CDH12: variants seen among roughly 807,000 people sequenced by gnomAD.
The protein encoded by CDH12 is cadherin 12.
CDH12 carries 41 observed loss-of-function variants against 74.1 expected under a neutral mutation model. The observed-to-expected ratio is 0.55, with a 90% CI of 0.43 to 0.72. The LOEUF (loss-of-function observed/expected upper bound fraction) is 0.72, where lower values mean the gene tolerates loss of function less well. CDH12 is among the 30% of genes least tolerant of loss of function. CDH12 has a pLI of 0.00. For synonymous variants in CDH12, 399 were observed against 355.0 expected, an observed-to-expected ratio of 1.12 and a Z score of -1.39; for missense variants, 945 against 977.2, an observed-to-expected ratio of 0.97 and a Z score of 0.44.
chr5:22,245,629 T>C (rs901524342), intron 3 of CDH12, among the ~76,000 whole-genome samples: 2 of 151,794 alleles, frequency 1.3e-5, no homozygotes, highest in Admixed American at 6.6e-5. Context: ...GTGATATACA[T>C]AAATCTGTAG....
chr5:22,309,287 A>G (rs796820435), intron 3 of CDH12, among the ~76,000 whole-genome samples: 10 of 152,326 alleles, frequency 6.6e-5, no homozygotes, highest in African/African-American at 2.4e-4. Context: ...AAATGTTTCA[A>G]GGATTAATAG....
intron 3 of CDH12, among the ~76,000 whole-genome samples, chr5:22,292,341 G>GTTTTTT (rs60010478): frequency 3.3e-4 from 35 of 105,328 alleles, no homozygotes; most frequent in African/African-American, 6.6e-4. Context: ...TTTGGTTTTT[G>GTTTTTT]TTTTTTTTTT....
chr5:22,210,012 A>G (rs1464260449), intron 4 of CDH12, among the ~76,000 whole-genome samples: 1 of 148,406 alleles, frequency 6.7e-6, no homozygotes, highest in South Asian at 2.2e-4. Context: ...ATGAGGGCAA[A>G]TAACATCCAT....
In CDH12 at chr5:22,107,803, CGAA is replaced by C. The variant is rs1188826192; in HGVS notation, c.-186-28944_-186-28942del. Among the ~76,000 whole-genome samples the C allele has an allele frequency of 2.6e-5, 4 of 152,016 alleles. No individual in the cohort carries two copies. In the East Asian group the frequency reaches 7.8e-4, roughly 29 times the overall value. The stretch of plus-strand genomic sequence containing the variant: ...CTATGGGTCCATGAGGAGATACACA[CGAA>C]GATTTTTATCATTATATTTTTTGTT... On this transcript the variant is annotated intron_variant, in intron 4 of 14. Transcript: ENST00000382254.
intron 1 of CDH12, among the ~76,000 whole-genome samples, chr5:22,635,164 T>C (rs1488912574): frequency 6.6e-6 from 1 of 152,118 alleles, no homozygotes; most frequent in Non-Finnish European, 1.5e-5. Context: ...AACAAAGGAA[T>C]AAAATTGAGA....
intron 1 of CDH12, among the ~76,000 whole-genome samples, chr5:22,541,443 T>C (rs1738097351): frequency 6.6e-6 from 1 of 152,220 alleles, no homozygotes; most frequent in Admixed American, 6.5e-5. Flanking sequence ...ATGTTTTATC[T>C]GAAATTCCAA....
At chr5:21,927,825 T>C (rs1754655342) in intron 6 of CDH12, among the ~76,000 whole-genome samples, 1 of 151,900 alleles carries the variant, frequency 6.6e-6, no homozygotes, top group East Asian at 1.9e-4. Flanking sequence ...ATCCCAGCAC[T>C]TTGGGAGGCC....
chr5:22,069,474 A>C (rs1480358784), intron 5 of CDH12, among the ~76,000 whole-genome samples: 1 of 152,192 alleles, frequency 6.6e-6, no homozygotes, highest in Non-Finnish European at 1.5e-5. Context: ...GGTAGAAATG[A>C]GTGTGATACC....
At chr5:22,753,709 T>A (rs1424568215) in intron 1 of CDH12, among the ~76,000 whole-genome samples, 4 of 151,562 alleles carry the variant, frequency 2.6e-5, no homozygotes, top group African/African-American at 9.7e-5. Context: ...ATTTGAGATA[T>A]ACAAACACAC....
chr5:22,512,700 A>T (rs190606834), intron 1 of CDH12, among the ~76,000 whole-genome samples: 3 of 152,352 alleles, frequency 2.0e-5, no homozygotes, highest in African/African-American at 4.8e-5. Context: ...TGAAGTCTGT[A>T]CTAATGCAGG....
chr5:22,416,317 C>T (rs1042371990), intron 2 of CDH12, among the ~76,000 whole-genome samples: 6 of 151,662 alleles, frequency 4.0e-5, no homozygotes, highest in South Asian at 2.1e-4. Flanking sequence ...CCTCGTGATC[C>T]GCCCGCCTCG....
chr5:22,653,465 A>C (rs573308417), intron 1 of CDH12, among the ~76,000 whole-genome samples: 3 of 152,222 alleles, frequency 2.0e-5, no homozygotes, highest in Non-Finnish European at 2.9e-5. Flanking sequence ...GAAAAAAAAA[A>C]AACAGAATTG....
At chr5:22,020,382 C>T (rs1737893760) in intron 5 of CDH12, among the ~76,000 whole-genome samples, 5 of 151,744 alleles carry the variant, frequency 3.3e-5, no homozygotes, top group Admixed American at 3.3e-4. Flanking sequence ...TGTGAAACCC[C>T]GTCTCTACTA....
At chr5:22,738,250 A>G (rs941070575) in intron 1 of CDH12, among the ~76,000 whole-genome samples, 1 of 152,068 alleles carries the variant, frequency 6.6e-6, no homozygotes, top group African/African-American at 2.4e-5. Context: ...TTTAGGAATC[A>G]TAAAGTCTAT....
intron 1 of CDH12, among the ~76,000 whole-genome samples, chr5:22,660,353 A>C (rs1159740437): frequency 3.3e-5 from 5 of 152,236 alleles, no homozygotes; most frequent in African/African-American, 1.2e-4. Context: ...ATATAACAGG[A>C]CAAGAATTTA....
At chr5:21,764,730 T>C (rs1279823975) in intron 12 of CDH12, among the ~76,000 whole-genome samples, 2 of 150,624 alleles carry the variant, frequency 1.3e-5, no homozygotes, top group Non-Finnish European at 1.5e-5. Flanking sequence ...AAACCACAAG[T>C]GTAGACCTTT....
At chr5:22,486,205 T>C (rs931768397) in intron 2 of CDH12, among the ~76,000 whole-genome samples, 8 of 152,174 alleles carry the variant, frequency 5.3e-5, no homozygotes, top group African/African-American at 1.9e-4. Flanking sequence ...CTCTGAAACA[T>C]AGTTCTAGTT....
At chr5:22,426,353 T>A (rs917706252) in intron 2 of CDH12, among the ~76,000 whole-genome samples, 2 of 152,044 alleles carry the variant, frequency 1.3e-5, no homozygotes, top group South Asian at 2.1e-4. Context: ...GTTGTGTTTG[T>A]TTGTTATCAA....
intron 4 of CDH12, among the ~76,000 whole-genome samples, chr5:22,114,867 T>A (rs751881153): frequency 2.6e-5 from 4 of 152,160 alleles, no homozygotes; most frequent in Non-Finnish European, 5.9e-5. Flanking sequence ...TCGCTTCACT[T>A]TGAAGAATAA....
Sources: allele counts gnomAD v4.1 joint callset (sites outside exome capture counted in the v4.1 genomes callset), GRCh38; gene constraint gnomAD v4.1.1; transcripts MANE v1.5; gene names NCBI Gene and HGNC (gene_info 2026-07-23, HGNC 2026-07-21).